VPS50: variants seen among roughly 807,000 people sequenced by gnomAD.
The protein encoded by VPS50 is syndetin.
Under a neutral mutation model 139.7 loss-of-function variants are expected in VPS50, and 70 were observed. The observed-to-expected ratio is 0.50, with a 90% CI of 0.41 to 0.61. VPS50 has a LOEUF of 0.61. Among genes scored for constraint, VPS50 ranks in the 20% least tolerant of loss-of-function variants. VPS50 has a pLI of 0.00. For synonymous variants in VPS50, 365 were observed against 376.7 expected (o/e 0.97, Z 0.36); for missense variants, 921 against 1,133.7 (o/e 0.81, Z 2.69).
chr7:93,281,769 A>C (rs1351493415), intron 12 of VPS50, among the ~76,000 whole-genome samples: 1 of 152,218 alleles, frequency 6.6e-6, no homozygotes, highest in African/African-American at 2.4e-5. Context: ...ATTGTAGGAA[A>C]AGACACAAGC....
chr7:93,291,890 A>C (rs1427927362), intron 13 of VPS50, 55 bp downstream of exon 13: 1 of 1,221,136 alleles, frequency 8.2e-7, no homozygotes, highest in Admixed American at 2.5e-5. Context: ...ATCCCACATT[A>C]CTGGAGTAAG....
At chr7:93,352,301 A>G (rs180814563) in intron 25 of VPS50, among the ~76,000 whole-genome samples, 17 of 152,230 alleles carry the variant, frequency 1.1e-4, no homozygotes, top group African/African-American at 2.6e-4. Flanking sequence ...AAATGAAACA[A>G]CAGACAAAGA....
chr7:93,280,033 G>A (rs186966338), intron 12 of VPS50, among the ~76,000 whole-genome samples: 2 of 152,054 alleles, frequency 1.3e-5, no homozygotes, highest in Non-Finnish European at 2.9e-5. Context: ...TGAAATTAGT[G>A]TTCCGTTTTT....
intron 12 of VPS50, among the ~76,000 whole-genome samples, chr7:93,287,992 T>C (rs1488620393): frequency 2.0e-5 from 3 of 152,116 alleles, no homozygotes; most frequent in Non-Finnish European, 4.4e-5. Flanking sequence ...TTTAATTGAC[T>C]CACAGTTCCA....
chr7:93,283,476 T>C lies in VPS50; in HGVS notation c.942+7171T>C, dbSNP rs1796390884. On this transcript the variant is annotated intron_variant, in intron 12 of 27. Transcript: ENST00000305866. The stretch of plus-strand genomic sequence containing the variant: ...GTCTCGAAATCCTGACTTCAGGTGA[T>C]CCACCTGCCTTGGCTTCCCAAAGTG... 2.6e-5 allele frequency among the ~76,000 whole-genome samples: 4 copies of C among 152,166 alleles called. No individual in the cohort carries two copies. In the South Asian group the frequency reaches 8.3e-4, roughly 31 times the overall value.
chr7:93,243,258 TA>T (rs776009400), intron 2 of VPS50, among the ~76,000 whole-genome samples: 11 of 151,968 alleles, frequency 7.2e-5, no homozygotes, highest in Non-Finnish European at 1.3e-4. Flanking sequence ...AATTTTAGCT[TA>T]AATAGCTCAG....
chr7:93,310,811 A>C (rs1177053328), intron 19 of VPS50, among the ~76,000 whole-genome samples: 1 of 151,980 alleles, frequency 6.6e-6, no homozygotes, highest in Admixed American at 6.6e-5. Flanking sequence ...TTCTGTACTT[A>C]ATTCACGTTC....
At chr7:93,330,313 G>T (rs1308853193) in intron 21 of VPS50, among the ~76,000 whole-genome samples, 1 of 152,058 alleles carries the variant, frequency 6.6e-6, no homozygotes, top group Non-Finnish European at 1.5e-5. Context: ...AAGAACCAAG[G>T]AGGGAAAATA....
intron 12 of VPS50, among the ~76,000 whole-genome samples, chr7:93,285,320 A>G (rs988875002): frequency 6.6e-6 from 1 of 152,184 alleles, no homozygotes; most frequent in Non-Finnish European, 1.5e-5. Context: ...GAACAAAATA[A>G]TTCATTACAA....
chr7:93,312,517 TC>T (rs1267445978), intron 20 of VPS50, among the ~76,000 whole-genome samples: 2 of 152,168 alleles, frequency 1.3e-5, no homozygotes, highest in Non-Finnish European at 2.9e-5. Flanking sequence ...AGAAGTATCT[TC>T]CCTAAGGTAA....
At chr7:93,326,336 T>C (rs934943590) in intron 21 of VPS50, among the ~76,000 whole-genome samples, 2 of 144,760 alleles carry the variant, frequency 1.4e-5, no homozygotes, top group Non-Finnish European at 3.0e-5. Flanking sequence ...TTAGGAGATA[T>C]ACCTAATGCT....
chr7:93,271,392 T>G (rs1301904207), intron 10 of VPS50, 130 bp downstream of exon 10: 1 of 1,303,914 alleles, frequency 7.7e-7, no homozygotes, highest in Admixed American at 3.2e-5. Flanking sequence ...TTCTTGATTT[T>G]CATTTGGAAT....
At chr7:93,334,426 G>C (rs749202275) in intron 22 of VPS50, among the ~76,000 whole-genome samples, 3 of 152,140 alleles carry the variant, frequency 2.0e-5, no homozygotes, top group Admixed American at 6.5e-5. Flanking sequence ...GTTCAAAGAA[G>C]AGAAAGGTTT....
intron 12 of VPS50, among the ~76,000 whole-genome samples, chr7:93,279,550 G>T (rs1796261826): frequency 2.0e-5 from 3 of 152,138 alleles, no homozygotes; most frequent in Non-Finnish European, 4.4e-5. Context: ...TGGCAGTGGG[G>T]GATCATTTTA....
chr7:93,234,595 T>G (rs1398150007), intron 1 of VPS50, among the ~76,000 whole-genome samples: 1 of 152,220 alleles, frequency 6.6e-6, no homozygotes, highest in Non-Finnish European at 1.5e-5. Context: ...CTATTTACAT[T>G]GAGGGTTTGA....
rs1465670301 is a variant in VPS50, at chr7:93,359,445, G to GT, written c.*1010dup. 4 of 152,268 alleles carry GT rather than the reference G, an allele frequency of 2.6e-5. No individual in the cohort carries two copies. The East Asian group carries it at 5.8e-4, about 22-fold the overall frequency. 9.4% of individuals were successfully genotyped at this position (152,268 alleles called of 1,614,324 possible). On this transcript the variant is annotated 3_prime_UTR_variant, in exon 28 of 28. Coordinates refer to ENST00000305866, the MANE Select transcript of VPS50 (RefSeq NM_017667.4). ...AACTCTGGAATCCACTTAGTCTTCA[G>GT]TAAGTATGTGCTGTTCCTCTAAACT...
At chr7:93,270,613 A>G (rs1795975063) in intron 9 of VPS50, among the ~76,000 whole-genome samples, 1 of 151,802 alleles carries the variant, frequency 6.6e-6, no homozygotes, top group Non-Finnish European at 1.5e-5. Context: ...ACCTGCTGGG[A>G]GGTAGAGTGT....
intron 12 of VPS50, among the ~76,000 whole-genome samples, chr7:93,288,942 C>T (rs1796570667): frequency 6.6e-6 from 1 of 151,974 alleles, no homozygotes; most frequent in African/African-American, 2.4e-5. Context: ...GGACAGGGGC[C>T]CTATCTTCAG....
intron 12 of VPS50, among the ~76,000 whole-genome samples, chr7:93,279,734 T>C (rs1796266335): frequency 1.3e-5 from 2 of 152,166 alleles, no homozygotes; most frequent in South Asian, 4.1e-4. Flanking sequence ...GTTTATATCC[T>C]CTGTACAGTA....
Sources: allele counts gnomAD v4.1 joint callset (sites outside exome capture counted in the v4.1 genomes callset), GRCh38; gene constraint gnomAD v4.1.1; transcripts MANE v1.5; gene names NCBI Gene and HGNC (gene_info 2026-07-23, HGNC 2026-07-21).